Variants in CUBN observed in about 807,000 individuals in gnomAD.
The protein encoded by CUBN is cubilin.
In CUBN, 282 loss-of-function variants were observed where a neutral mutation model predicts 405.3. That is an observed-to-expected ratio of 0.70 (90% CI 0.63 to 0.77). The LOEUF (loss-of-function observed/expected upper bound fraction) is 0.77. Ranked by LOEUF, CUBN falls within the 30% of genes least tolerant of loss-of-function variation. The pLI is 0.00. For synonymous variants in CUBN, 1,684 were observed against 1,617.0 expected (o/e 1.04, Z -0.99); for missense variants, 4,514 against 4,475.2 (o/e 1.01, Z -0.25).
chr10:16,954,476 T>C lies in CUBN; in HGVS notation c.4768A>G (p.Ile1590Val). 4.3e-6 allele frequency: 7 copies of C among 1,614,042 alleles called. No homozygotes were observed. Among genetic ancestry groups the C allele is most frequent in the African/African-American group, 2.7e-5 (2 of 75,036 alleles). The change falls in exon 32 of 67, where the codon ATC (isoleucine) becomes GTC (valine). Residue 1590 changes from isoleucine (I) to valine (V), a missense_variant. Physicochemically the swap from Ile to Val is conservative, Grantham distance 29. Transcript: ENST00000377833. Reference protein sequence around the residue: ...TCGREQLANPIVSSGNSLFLR... With the variant: ...TCGREQLANPVVSSGNSLFLR... ...AAGAGGCTGTTTCCTGAGGAGACGA[T>C]GGGGTTAGCCAGCTGCTCCCTTCCA...
At chr10:17,068,009 AAGC>A (rs1835650587) in intron 21 of CUBN, 52 bp downstream of exon 21, 1 of 1,420,032 alleles carries the variant, frequency 7.0e-7, no homozygotes, top group Admixed American at 1.7e-5. Context: ...TCCTTCACTG[AAGC>A]AGGAAATCAG....
At position 16,952,275 on chromosome 10, in the gene CUBN, C is replaced by T; in HGVS notation, c.4969+1G>A. The T allele has an allele frequency of 6.2e-7, 1 of 1,607,176 alleles. No homozygotes were observed. Among genetic ancestry groups the T allele is most frequent in the Non-Finnish European group, 8.5e-7 (1 of 1,173,932 alleles). ...TTTTCTTTTTCATTTTTGTTACTTACATGGAGGTTGCGCTTGAATGATCCA... is the reference window on the plus strand; with the variant it reads ...TTTTCTTTTTCATTTTTGTTACTTATATGGAGGTTGCGCTTGAATGATCCA... On this transcript the variant is annotated splice_donor_variant, in intron 33 of 66. Transcript: ENST00000377833. LOFTEE classifies it high-confidence loss of function.
At chr10:17,057,607 G>C (rs924981752) in intron 22 of CUBN, among the ~76,000 whole-genome samples, 3 of 151,976 alleles carry the variant, frequency 2.0e-5, no homozygotes, top group Admixed American at 6.6e-5. Flanking sequence ...GGTATTTTAC[G>C]CAAGAGAATG....
At chr10:17,113,475 A>T (rs1206354939) in intron 8 of CUBN, among the ~76,000 whole-genome samples, 1 of 152,110 alleles carries the variant, frequency 6.6e-6, no homozygotes, top group Non-Finnish European at 1.5e-5. Context: ...AAAACAAAAG[A>T]TGCCCTCGGA....
intron 31 of CUBN, among the ~76,000 whole-genome samples, chr10:16,963,802 A>G (rs1843310300): frequency 6.6e-6 from 1 of 152,258 alleles, no homozygotes; most frequent in Non-Finnish European, 1.5e-5. Flanking sequence ...CAAGTTGAAG[A>G]AGGATATGTA....
Position 17,088,144 on chromosome 10 carries a change from A to G in CUBN, c.1947+20T>C, listed in dbSNP as rs781173282. 11 of 1,592,004 alleles carry G rather than the reference A, an allele frequency of 6.9e-6. No individual in the cohort carries two copies. The Admixed American group carries it at 1.2e-4, about 17-fold the overall frequency. On this transcript the variant is annotated intron_variant, in intron 15 of 66. Transcript: ENST00000377833. ...TCCTAATCATATTGTGATATGTTCT[A>G]TCTAAATATAATTATTTACCTCAAG...
chr10:16,991,029 G>A (rs1833570414), intron 28 of CUBN, among the ~76,000 whole-genome samples: 1 of 151,074 alleles, frequency 6.6e-6, no homozygotes, highest in South Asian at 2.1e-4. Context: ...AAATAAACAA[G>A]TAAATTATAT....
At chr10:16,930,984 T>C (rs11254282) in intron 40 of CUBN, among the ~76,000 whole-genome samples, 24,132 of 151,832 alleles carry the variant, frequency 0.16, 2,063 homozygotes, top group East Asian at 0.22. Flanking sequence ...AGGCCAGGTG[T>C]GGTGGCTCAC....
intron 28 of CUBN, among the ~76,000 whole-genome samples, chr10:17,000,899 G>T (rs562937464): frequency 1.3e-5 from 2 of 152,158 alleles, no homozygotes; most frequent in Non-Finnish European, 1.5e-5. Context: ...GGTTTCTTCC[G>T]GTGGGTTCTT....
rs987630236 is a variant in CUBN, at chr10:16,940,312, T to C, written c.5343-75A>G. 12 of 1,320,494 alleles carry C rather than the reference T, an allele frequency of 9.1e-6. No homozygotes were observed. The Middle Eastern group carries it at 7.5e-4, about 82-fold the overall frequency. 81.8% of individuals were successfully genotyped at this position (1,320,494 alleles called of 1,614,324 possible). A position where few individuals can be genotyped will look rare whatever the true frequency, so the allele number is the denominator to read the frequency against. On this transcript the variant is annotated intron_variant, in intron 36 of 66. Coordinates refer to ENST00000377833, the MANE Select transcript of CUBN (RefSeq NM_001081.4). ...TTTGGGATTCTCCCGGATCACATGC[T>C]AGGTTAACCCGTTCACTTTTTTAAA...
In CUBN at chr10:16,919,888, T is replaced by A. The variant is rs1460310498; in HGVS notation, c.6821+75A>T. On this transcript the variant is annotated intron_variant, in intron 44 of 66. Transcript: ENST00000377833. Reference sequence around the variant, plus strand: ...TTGCAGTATGTGCTACTGAAAGAAATGGACTGTTTTGAGACATGACGGTTA... The same window carrying A: ...TTGCAGTATGTGCTACTGAAAGAAAAGGACTGTTTTGAGACATGACGGTTA... The A allele has an allele frequency of 1.0e-5, 15 of 1,453,414 alleles. No homozygotes were observed. The Middle Eastern group carries it at 7.2e-4, about 70-fold the overall frequency. 90.0% of individuals were successfully genotyped at this position (1,453,414 alleles called of 1,614,324 possible).
intron 56 of CUBN, among the ~76,000 whole-genome samples, chr10:16,878,201 T>A (rs1020982387): frequency 5.3e-5 from 8 of 152,118 alleles, no homozygotes; most frequent in Non-Finnish European, 1.5e-5. Context: ...GGCAAGAGAA[T>A]CGCTTGAACC....
chr10:17,077,668 G>C (rs147806689), intron 17 of CUBN, among the ~76,000 whole-genome samples: 1 of 152,176 alleles, frequency 6.6e-6, no homozygotes, highest in East Asian at 1.9e-4. Flanking sequence ...GTGAGCTTCA[G>C]GCTGACATAC....
At chr10:16,898,854 G>C (rs1324854969) in intron 54 of CUBN, 142 bp downstream of exon 54, 1 of 701,580 alleles carries the variant, frequency 1.4e-6, no homozygotes, top group Non-Finnish European at 2.6e-6. Flanking sequence ...TAACAGTTGA[G>C]GTTTCTCACT....
At position 17,092,336 on chromosome 10, in the gene CUBN, T is replaced by C. The variant is rs568968560; in HGVS notation, c.1766-3991A>G. Reference sequence around the variant, plus strand: ...CAACCCTTAGGATTAAAGGTCCCCTTGTAAAAGGGAGTGGGGTAATAAACC... The same window carrying C: ...CAACCCTTAGGATTAAAGGTCCCCTCGTAAAAGGGAGTGGGGTAATAAACC... On this transcript the variant is annotated intron_variant, in intron 14 of 66. Coordinates refer to ENST00000377833, the MANE Select transcript of CUBN (RefSeq NM_001081.4). 3.9e-5 allele frequency among the ~76,000 whole-genome samples: 6 copies of C among 152,216 alleles called. No homozygotes were observed. In the East Asian group the frequency reaches 9.7e-4, roughly 25 times the overall value.
intron 28 of CUBN, among the ~76,000 whole-genome samples, chr10:17,013,310 GTCTC>G (rs771518701): frequency 7.3e-5 from 11 of 150,236 alleles, no homozygotes; most frequent in Non-Finnish European, 1.5e-4. Context: ...TTCTCTCTCT[GTCTC>G]TCTGTCTCTT....
At chr10:16,962,641 G>A (rs1051479738) in intron 31 of CUBN, among the ~76,000 whole-genome samples, 3 of 152,160 alleles carry the variant, frequency 2.0e-5, no homozygotes, top group Non-Finnish European at 4.4e-5. Context: ...CTGCCCTCTT[G>A]CTAGCACTTT....
At chr10:17,036,125 G>T (rs1418341830) in intron 27 of CUBN, among the ~76,000 whole-genome samples, 5 of 152,148 alleles carry the variant, frequency 3.3e-5, no homozygotes. Flanking sequence ...AGAGGGCTTG[G>T]CTACACTGCC....
At chr10:17,104,676 A>C in intron 11 of CUBN, 71 bp from the exon 12 acceptor site, 1 of 911,136 alleles carries the variant, frequency 1.1e-6, no homozygotes, top group Non-Finnish European at 1.8e-6. Context: ...AACCCAAATA[A>C]TAGGAATGTA....
Sources: allele counts gnomAD v4.1 joint callset (sites outside exome capture counted in the v4.1 genomes callset), GRCh38; gene constraint gnomAD v4.1.1; transcripts MANE v1.5; gene names NCBI Gene and HGNC (gene_info 2026-07-23, HGNC 2026-07-21).